Variants in PMCH observed in about 807,000 individuals in gnomAD.
The protein encoded by PMCH is pro-melanin concentrating hormone, also known as pro-MCH.
In PMCH, 8 loss-of-function variants were observed where a neutral mutation model predicts 15.9. The observed-to-expected ratio is 0.50, with a 90% confidence interval of 0.29 to 0.91. The LOEUF (loss-of-function observed/expected upper bound fraction) is 0.91, where lower values mean the gene tolerates loss of function less well. PMCH is among the 40% of genes least tolerant of loss of function. The pLI is 0.07. For synonymous variants in PMCH, 73 were observed against 63.8 expected (o/e 1.14, Z -0.69); for missense variants, 169 against 185.7 (o/e 0.91, Z 0.52).
rs1891337571 is a variant in PMCH, at chr12:102,196,674, T to A, written c.476A>T (p.Tyr159Phe). Residue 159 changes from tyrosine to phenylalanine, a missense_variant, in exon 3 of 3, where the codon TAC becomes TTC. Transcript: ENST00000329406. ...DMLRCMLGRV[Y>F]RPCWQV ...GTATCAGACTTGCCAACAAGGTCGG[T>A]AGACTCTTCCCAGCATACATCTGAG... is the stretch of plus-strand genomic sequence containing the variant. 1.2e-6 allele frequency: 2 copies of A among 1,610,472 alleles called. No homozygotes were observed. Among genetic ancestry groups the A allele is most frequent in the Non-Finnish European group, 1.7e-6 (2 of 1,177,224 alleles).
intron 1 of PMCH, 114 bp downstream of exon 1, chr12:102,197,408 G>A (rs1193505891): frequency 4.0e-6 from 4 of 1,004,482 alleles, no homozygotes; most frequent in Admixed American, 2.3e-5. Context: ...AATGCATATT[G>A]TGACTGTTTG....
At chr12:102,196,787 A>T in intron 2 of PMCH, 86 bp from the exon 3 acceptor site, 1 of 1,182,162 alleles carries the variant, frequency 8.5e-7, no homozygotes, top group East Asian at 2.3e-5. Context: ...GATCTAGTAT[A>T]ACTAATTCTG....
chr12:102,196,641 A>C lies in PMCH; in HGVS notation c.*11T>G. On this transcript the variant is annotated 3_prime_UTR_variant, in exon 3 of 3. Coordinates refer to ENST00000329406, the MANE Select transcript of PMCH (RefSeq NM_002674.4). ...ATTTTCTTCTGAAAAGATGATGTGGACCAACAGGTATCAGACTTGCCAACA... is the reference window on the plus strand; with the variant it reads ...ATTTTCTTCTGAAAAGATGATGTGGCCCAACAGGTATCAGACTTGCCAACA... 1 of 1,598,016 alleles carries C rather than the reference A, an allele frequency of 6.3e-7. No homozygotes were observed. The highest frequency in any genetic ancestry group is 8.6e-7 in the Non-Finnish European group (1 of 1,165,698).
chr12:102,196,870 G>C (rs1594652014), intron 2 of PMCH, 103 bp downstream of exon 2: 1 of 1,105,518 alleles, frequency 9.0e-7, no homozygotes, highest in Non-Finnish European at 1.3e-6. Context: ...TTGAGCCATG[G>C]TCTTATTTGA....
intron 2 of PMCH, 28 bp downstream of exon 2, chr12:102,196,945 A>G (rs768941642): frequency 1.3e-6 from 2 of 1,552,138 alleles, no homozygotes; most frequent in Non-Finnish European, 1.8e-6. Context: ...GTAGGATGTA[A>G]GAATTGAATT....
chr12:102,197,127 C>T lies in PMCH; in HGVS notation c.294G>A (p.Leu98=). Residue 98 remains leucine (L), a synonymous_variant, in exon 2 of 3, where the codon CTG becomes CTA. Coordinates refer to ENST00000329406, the MANE Select transcript of PMCH (RefSeq NM_002674.4). ...CAAGATAAGGTTTTATAGCCAGATT[C>T]AGTGGCAGACCATGATTTAAGAAAT... ...KHNFLNHGLP[L]NLAIKPYLAL... 3 of 1,612,224 alleles carry T rather than the reference C, an allele frequency of 1.9e-6. No homozygotes were observed. In the East Asian group the frequency reaches 6.7e-5, roughly 36 times the overall value.
chr12:102,196,831 ATTT>A, intron 2 of PMCH, 130 bp from the exon 3 acceptor site: 1 of 1,035,040 alleles, frequency 9.7e-7, no homozygotes, highest in Non-Finnish European at 1.5e-6. Flanking sequence ...AATTGTTGCT[ATTT>A]AATCCCACAT....
Position 102,197,737 on chromosome 12 carries a change from T to C in PMCH, c.34A>G (p.Ile12Val), listed in dbSNP as rs1565913231. ...TGAGAAAACAAAGAAAAAGTTAGTA[T>C]TAATATATAGGAAGAGAGATTCATT... is the stretch of plus-strand genomic sequence containing the variant. ...AKMNLSSYIL[I>V]LTFSLFSQGI... The change falls in exon 1 of 3, where the codon ATA becomes GTA. Residue 12 changes from isoleucine (I) to valine (V), a missense_variant. Transcript: ENST00000329406. 6.3e-7 allele frequency: 1 copy of C among 1,597,566 alleles called. No individual in the cohort carries two copies. The highest frequency in any genetic ancestry group is 1.7e-5 in the Admixed American group (1 of 59,368).
rs1341847062 is a variant in PMCH at position 102,197,660 on chromosome 12, C to T, written c.111G>A (p.Met37Ile). 1.2e-6 allele frequency: 2 copies of T among 1,611,878 alleles called. No homozygotes were observed. The highest frequency in any genetic ancestry group is 1.7e-6 in the Non-Finnish European group (2 of 1,178,632). Residue 37 changes from methionine to isoleucine, a missense_variant, in exon 1 of 3, where the codon ATG becomes ATA. By Grantham distance (10) the Met-to-Ile change is conservative. Coordinates refer to ENST00000329406, the MANE Select transcript of PMCH (RefSeq NM_002674.4). ...SKSIRNLDDD[M>I]VFNTFRLGKG... ...TCCCCAACCTGAATGTATTAAATACCATGTCATCATCTAAATTTCTTATGG... is the reference window on the plus strand; with the variant it reads ...TCCCCAACCTGAATGTATTAAATACTATGTCATCATCTAAATTTCTTATGG...
chr12:102,197,703 A>G lies in PMCH; in HGVS notation c.68T>C (p.Leu23Ser), dbSNP rs1891437348. Reference protein sequence around the residue: ...LTFSLFSQGILLSASKSIRNL... With the variant: ...LTFSLFSQGISLSASKSIRNL... ...TCTTATGGACTTGGATGCTGAAAGT[A>G]AAATACCTTGAGAAAACAAAGAAAA... is the stretch of plus-strand genomic sequence containing the variant. The change falls in exon 1 of 3, where the codon TTA (leucine) becomes TCA (serine). Residue 23 changes from leucine to serine, a missense_variant. Transcript: ENST00000329406. The G allele has an allele frequency of 1.2e-6, 2 of 1,607,676 alleles. No individual in the cohort carries two copies. The highest frequency in any genetic ancestry group is 1.7e-5 in the Admixed American group (1 of 59,784).
In PMCH at chr12:102,197,156, G is replaced by T. The variant is rs767158994; in HGVS notation, c.265C>A (p.His89Asn). 3 of 1,611,578 alleles carry T rather than the reference G, an allele frequency of 1.9e-6. No homozygotes were observed. In the East Asian group the frequency reaches 6.7e-5, roughly 36 times the overall value. ...NKVSKNTGSK[H>N]NFLNHGLPLN... ...GGCAGACCATGATTTAAGAAATTAT[G>T]TTTGGAGCCTGTGTTCTGTAAAGAG... Residue 89 changes from histidine (H) to asparagine (N), a missense_variant, in exon 2 of 3, where the codon CAT (histidine) becomes AAT (asparagine). His to Asn is a moderately conservative substitution (Grantham distance 68). Transcript: ENST00000329406.
In PMCH at chr12:102,196,906, ACTTTAACT is replaced by A. The variant is rs1484872874; in HGVS notation, c.448+59_448+66del. 22 of 1,356,914 alleles carry A rather than the reference ACTTTAACT, an allele frequency of 1.6e-5. No individual in the cohort carries two copies. The East Asian group carries it at 3.7e-4, about 23-fold the overall frequency. 84.1% of individuals were successfully genotyped at this position (1,356,914 alleles called of 1,614,324 possible). Reference sequence around the variant, plus strand: ...TTTTGTTATGATTGCATCCAAATTCACTTTAACTCAGAGTTCTGTTTAATGGTGGTAGG... The same window carrying A: ...TTTTGTTATGATTGCATCCAAATTCACAGAGTTCTGTTTAATGGTGGTAGG... On this transcript the variant is annotated intron_variant, in intron 2 of 2. Coordinates refer to ENST00000329406, the MANE Select transcript of PMCH (RefSeq NM_002674.4).
intron 2 of PMCH, 101 bp downstream of exon 2, chr12:102,196,872 C>A (rs559560894): frequency 5.4e-4 from 605 of 1,118,486 alleles, no homozygotes; most frequent in Non-Finnish European, 1.9e-4. Flanking sequence ...GAGCCATGGT[C>A]TTATTTGATT....
chr12:102,197,492 A>G (rs192640426), intron 1 of PMCH, 30 bp downstream of exon 1: 1 of 1,561,542 alleles, frequency 6.4e-7, no homozygotes, highest in Non-Finnish European at 8.6e-7. Flanking sequence ...ATTTTCATTG[A>G]AATAAACGAC....
chr12:102,197,554 A>G lies in PMCH; in HGVS notation c.217T>C (p.Phe73Leu), dbSNP rs146317898. Residue 73 changes from phenylalanine to leucine, a missense_variant, in exon 1 of 3, where the codon TTC becomes CTC. Coordinates refer to ENST00000329406, the MANE Select transcript of PMCH (RefSeq NM_002674.4). ...LEQYKNDESS[F>L]MNEEENKVSK... ...ACTTTATTTTCCTCTTCGTTCATGA[A>G]ACTGCTCTCATCATTTTTATATTGT... The G allele has an allele frequency of 3.7e-6, 6 of 1,610,436 alleles. No homozygotes were observed. In the African/African-American group the frequency reaches 4.0e-5, roughly 11 times the overall value.
chr12:102,197,505 G>A lies in PMCH; in HGVS notation c.249+17C>T. The A allele has an allele frequency of 6.3e-7, 1 of 1,582,202 alleles. No individual in the cohort carries two copies. The highest frequency in any genetic ancestry group is 8.6e-7 in the Non-Finnish European group (1 of 1,167,162). On this transcript the variant is annotated intron_variant, in intron 1 of 2. Coordinates refer to ENST00000329406, the MANE Select transcript of PMCH (RefSeq NM_002674.4). The stretch of plus-strand genomic sequence containing the variant: ...AAATTTTCATTGAAATAAACGACAA[G>A]TCACATTGCCACTTACCTTTGAAAC...
chr12:102,196,608 A>G lies in PMCH; in HGVS notation c.*44T>C. The stretch of plus-strand genomic sequence containing the variant: ...GGCTTCTCCTCCCATTGGCAATTAA[A>G]TGCTTTTATTTTCTTCTGAAAAGAT... On this transcript the variant is annotated 3_prime_UTR_variant, in exon 3 of 3. Transcript: ENST00000329406. The G allele has an allele frequency of 2.1e-6, 3 of 1,442,470 alleles. No homozygotes were observed. Among genetic ancestry groups the G allele is most frequent in the Non-Finnish European group, 2.9e-6 (3 of 1,024,560 alleles). The allele number at this position is 1,442,470 out of a possible 1,614,324, so 89.4% of individuals were successfully genotyped here.
chr12:102,197,303 A>G lies in PMCH; in HGVS notation c.250-132T>C, dbSNP rs773282390. The stretch of plus-strand genomic sequence containing the variant: ...TTTTGACTTTTTAAAAATACCTTAG[A>G]TGCAAATTTATAGGAGAAAAAACAC... On this transcript the variant is annotated intron_variant, in intron 1 of 2. Transcript: ENST00000329406. 8 of 863,422 alleles carry G rather than the reference A, an allele frequency of 9.3e-6. No individual in the cohort carries two copies. In the East Asian group the frequency reaches 1.6e-4, roughly 17 times the overall value. The allele number at this position is 863,422 out of a possible 1,614,324, so 53.5% of individuals were successfully genotyped here.
Position 102,196,546 on chromosome 12 carries a change from CAG to C in PMCH, c.*104_*105del, listed in dbSNP as rs1222450919. ...ATCTTAACACTACTTTCTTTTAAAA[CAG>C]ACATTTAACATACACAAGTTATAGT... On this transcript the variant is annotated 3_prime_UTR_variant, in exon 3 of 3. Transcript: ENST00000329406. 5.8e-6 allele frequency: 5 copies of C among 863,238 alleles called. No homozygotes were observed. The Admixed American group carries it at 9.3e-5, about 16-fold the overall frequency. The allele number at this position is 863,238 out of a possible 1,614,324, so 53.5% of individuals were successfully genotyped here.
Sources: allele counts gnomAD v4.1 joint callset, GRCh38; gene constraint gnomAD v4.1.1; transcripts MANE v1.5; gene names NCBI Gene and HGNC (gene_info 2026-07-23, HGNC 2026-07-21).